The following ECT2 variants were observed in gnomAD, a reference collection of about 807,000 sequenced individuals.
ECT2 encodes protein ECT2.
In ECT2, 61 loss-of-function variants were observed where a neutral mutation model predicts 116.9. The observed-to-expected ratio is 0.52, with a 90% CI of 0.42 to 0.65. ECT2 has a LOEUF of 0.65. Ranked by LOEUF, ECT2 falls within the 30% of genes least tolerant of loss-of-function variation. The pLI is 0.00. For missense variants in ECT2, 937 were observed against 1,078.7 expected (o/e 0.87, Z 1.84); for synonymous variants, 358 against 346.4 (o/e 1.03, Z -0.37).
In ECT2 at chr3:172,757,141, A is replaced by G. The variant is rs531791692; in HGVS notation, c.462A>G (p.Val154=). The stretch of plus-strand genomic sequence containing the variant: ...GTAGAGTTATTGGACCACCAGTTGT[A>G]TTAAATTGTTCACAAAAAGGAGAGG... ...ADCRVIGPPV[V]LNCSQKGEPL... is the part of the protein sequence containing the mutation. The change falls in exon 5 of 25, where the codon GTA becomes GTG. Residue 154 remains valine (V), a synonymous_variant. Transcript: ENST00000392692. The G allele has an allele frequency of 2.6e-5, 39 of 1,511,972 alleles. No individual in the cohort carries two copies. In the South Asian group the frequency reaches 5.2e-4, roughly 20 times the overall value. 93.7% of individuals were successfully genotyped at this position (1,511,972 alleles called of 1,614,324 possible). A position where few individuals can be genotyped will look rare whatever the true frequency, so the allele number is the denominator to read the frequency against.
chr3:172,798,859 G>C, intron 18 of ECT2, among the ~76,000 whole-genome samples: 1 of 152,108 alleles, frequency 6.6e-6, no homozygotes, highest in East Asian at 1.9e-4. Context: ...CCAAGGCTTT[G>C]ACTGAAATGT....
At chr3:172,808,532 A>G (rs1027840864) in intron 22 of ECT2, among the ~76,000 whole-genome samples, 27 of 152,366 alleles carry the variant, frequency 1.8e-4, no homozygotes, top group African/African-American at 6.5e-4. Context: ...GAATCAAAAT[A>G]GGGAAGTTAA....
intron 4 of ECT2, among the ~76,000 whole-genome samples, chr3:172,756,630 A>T (rs1257731650): frequency 6.6e-6 from 1 of 152,224 alleles, no homozygotes; most frequent in Non-Finnish European, 1.5e-5. Context: ...GCATCTTGAT[A>T]TCAAAATGCA....
At chr3:172,759,505 A>G (rs1356619790) in intron 6 of ECT2, among the ~76,000 whole-genome samples, 2 of 152,024 alleles carry the variant, frequency 1.3e-5, no homozygotes, top group East Asian at 1.9e-4. Flanking sequence ...GCAGTGGCGC[A>G]ATCTCGGCTC....
chr3:172,823,263 CAA>C (rs1454144414), downstream of ECT2, among the ~76,000 whole-genome samples: 2 of 151,912 alleles, frequency 1.3e-5, no homozygotes, highest in African/African-American at 2.4e-5. Context: ...TAACTCAAAA[CAA>C]AGGATTTACA....
intron 20 of ECT2, among the ~76,000 whole-genome samples, chr3:172,803,424 A>C (rs1727088641): frequency 6.6e-6 from 1 of 152,190 alleles, no homozygotes; most frequent in Admixed American, 6.5e-5. Context: ...GATTCTTCTT[A>C]AATCAGCAGG....
rs180826413 is a variant in ECT2 at position 172,780,021 on chromosome 3, A to G, written c.1549-2142A>G. Among the ~76,000 whole-genome samples the G allele has an allele frequency of 1.2e-4, 18 of 152,260 alleles. No individual in the cohort carries two copies. The East Asian group carries it at 3.3e-3, about 28-fold the overall frequency. On this transcript the variant is annotated intron_variant, in intron 14 of 24. Transcript: ENST00000392692. ...ACTACCCACCCCAAATAAGATGTCT[A>G]CTTAAAATTAATCTTTATTTCTACA...
intron 16 of ECT2, among the ~76,000 whole-genome samples, chr3:172,784,331 A>G (rs1459539685): frequency 6.6e-6 from 1 of 152,098 alleles, no homozygotes; most frequent in Non-Finnish European, 1.5e-5. Flanking sequence ...CAAAACACCT[A>G]ATGATTTTCC....
chr3:172,789,499 C>T (rs992069448), intron 18 of ECT2, among the ~76,000 whole-genome samples: 10 of 152,130 alleles, frequency 6.6e-5, no homozygotes, highest in Admixed American at 5.2e-4. Context: ...CCACCACAGC[C>T]GGCCGGCACT....
At chr3:172,828,722 C>A in the ECT2 span, 2 of 508,054 alleles carry the variant, frequency 3.9e-6, no homozygotes, top group Non-Finnish European at 7.3e-6. Context: ...AGGTGGCCCC[C>A]ATGGAGCCTC....
downstream of ECT2, among the ~76,000 whole-genome samples, chr3:172,824,983 A>G (rs1402959940): frequency 1.3e-5 from 2 of 152,214 alleles, no homozygotes; most frequent in South Asian, 2.1e-4. Flanking sequence ...CACTTAGCAG[A>G]TAGTGTGCTT....
In ECT2 at chr3:172,756,843, T is replaced by A. The variant is rs969890424; in HGVS notation, c.304-140T>A. On this transcript the variant is annotated intron_variant, in intron 4 of 24. Transcript: ENST00000392692. ...GTTCATTAAGTGTAATGCTGATTAT[T>A]GTGTGATAGAAACTTATTTTCTACA... The A allele has an allele frequency of 5.8e-6, 4 of 688,038 alleles. No homozygotes were observed. In the Admixed American group the frequency reaches 1.4e-4, roughly 24 times the overall value. The allele number at this position is 688,038 out of a possible 1,614,324, so 42.6% of individuals were successfully genotyped here. A position where few individuals can be genotyped will look rare whatever the true frequency, so the allele number is the denominator to read the frequency against.
Position 172,754,680 on chromosome 3 carries a change from T to C in ECT2, c.130+20T>C. The C allele has an allele frequency of 6.5e-7, 1 of 1,548,580 alleles. No homozygotes were observed. Among genetic ancestry groups the C allele is most frequent in the Non-Finnish European group, 8.8e-7 (1 of 1,141,428 alleles). The stretch of plus-strand genomic sequence containing the variant: ...TAGAAGGTAAACCTGTTACCTGCTT[T>C]AAAACAATCAATTTCTATTTTAATT... On this transcript the variant is annotated intron_variant, in intron 2 of 24. Coordinates refer to ENST00000392692, the MANE Select transcript of ECT2 (RefSeq NM_001258315.2).
At chr3:172,757,787 A>T (rs1280142198) in intron 5 of ECT2, among the ~76,000 whole-genome samples, 1 of 152,094 alleles carries the variant, frequency 6.6e-6, no homozygotes, top group South Asian at 2.1e-4. Context: ...ATTCATACAT[A>T]TACATAAACT....
chr3:172,784,414 T>C (rs1723253556), intron 16 of ECT2, among the ~76,000 whole-genome samples: 1 of 152,302 alleles, frequency 6.6e-6, no homozygotes, highest in African/African-American at 2.4e-5. Flanking sequence ...ATAATTAATA[T>C]TAAATGTGCT....
At chr3:172,828,803 C>G in the ECT2 span, 1 of 719,664 alleles carries the variant, frequency 1.4e-6, no homozygotes, top group Non-Finnish European at 2.4e-6. Flanking sequence ...CAGGCCAACG[C>G]CCAGAATGGC....
At chr3:172,807,581 A>G in intron 21 of ECT2, 189 bp from the exon 22 acceptor site, 2 of 559,316 alleles carry the variant, frequency 3.6e-6, no homozygotes, top group Admixed American at 3.2e-5. Flanking sequence ...GTGGTATACT[A>G]TATTGTGTTT....
intron 14 of ECT2, among the ~76,000 whole-genome samples, chr3:172,778,908 T>C (rs1332441270): frequency 6.6e-6 from 1 of 152,204 alleles, no homozygotes; most frequent in African/African-American, 2.4e-5. Flanking sequence ...GACAGCAATC[T>C]TTATTCAACA....
intron 18 of ECT2, among the ~76,000 whole-genome samples, chr3:172,786,845 T>G (rs1723685086): frequency 6.6e-6 from 1 of 152,220 alleles, no homozygotes. Flanking sequence ...AGGCATTTTC[T>G]TCATATAACT....
Sources: allele counts gnomAD v4.1 joint callset (sites outside exome capture counted in the v4.1 genomes callset), GRCh38; gene constraint gnomAD v4.1.1; transcripts MANE v1.5; gene names NCBI Gene and HGNC (gene_info 2026-07-23, HGNC 2026-07-21).